Variants in MTUS2 observed in about 807,000 individuals in gnomAD.
MTUS2 encodes microtubule-associated tumor suppressor candidate 2.
Under a neutral mutation model 114.1 loss-of-function variants are expected in MTUS2, and 40 were observed. The observed-to-expected ratio is 0.35, with a 90% CI of 0.27 to 0.46. The LOEUF is 0.46. Among genes scored for constraint, MTUS2 ranks in the 20% least tolerant of loss-of-function variants. MTUS2 has a pLI of 1.00. For synonymous variants in MTUS2, 688 were observed against 672.0 expected, an observed-to-expected ratio of 1.02 and a Z score of -0.37; for missense variants, 1,679 against 1,705.4, an observed-to-expected ratio of 0.98 and a Z score of 0.27.
At chr13:29,458,888 G>A (rs546154214) in intron 9 of MTUS2, among the ~76,000 whole-genome samples, 1 of 152,362 alleles carries the variant, frequency 6.6e-6, no homozygotes, top group African/African-American at 2.4e-5. Context: ...ATAGTCCAAA[G>A]TTGAGAGGCC....
intron 7 of MTUS2, among the ~76,000 whole-genome samples, chr13:29,336,725 T>C (rs908128970): frequency 1.3e-5 from 2 of 152,230 alleles, no homozygotes; most frequent in African/African-American, 4.8e-5. Context: ...CATTTAAGTC[T>C]GCTGAAGCTG....
At chr13:29,282,988 C>T (rs1898335245) in intron 6 of MTUS2, among the ~76,000 whole-genome samples, 1 of 152,150 alleles carries the variant, frequency 6.6e-6, no homozygotes, top group East Asian at 1.9e-4. Context: ...AACAATGCTG[C>T]AATAAACAGC....
intron 5 of MTUS2, among the ~76,000 whole-genome samples, chr13:29,174,904 A>G (rs371450277): frequency 5.9e-5 from 9 of 152,222 alleles, no homozygotes; most frequent in African/African-American, 1.9e-4. Flanking sequence ...TGCCTGGCCA[A>G]CATCTTTCCA....
chr13:29,104,503 T>C (rs958297686), intron 5 of MTUS2, among the ~76,000 whole-genome samples: 1 of 152,218 alleles, frequency 6.6e-6, no homozygotes, highest in Non-Finnish European at 1.5e-5. Flanking sequence ...GGGAATGCTC[T>C]TAAGAGCTAG....
chr13:28,931,051 A>G (rs1297584288), intron 2 of MTUS2, among the ~76,000 whole-genome samples: 3 of 152,168 alleles, frequency 2.0e-5, no homozygotes, highest in South Asian at 2.1e-4. Flanking sequence ...TCCTTGTTAC[A>G]GATTGAATCA....
At position 29,060,798 on chromosome 13, in the gene MTUS2, T is replaced by C. The variant is rs2138644687; in HGVS notation, c.2446+26673T>C. Among the ~76,000 whole-genome samples, 2 of 102,858 alleles carry C rather than the reference T, an allele frequency of 1.9e-5. 1 individual carries two copies. The highest frequency in any genetic ancestry group is 7.9e-4 in the South Asian group (2 of 2,532). 67.5% of individuals were successfully genotyped at this position (102,858 alleles called of 152,430 possible). A position where few individuals can be genotyped will look rare whatever the true frequency, so the allele number is the denominator to read the frequency against. The stretch of plus-strand genomic sequence containing the variant: ...CTTTCACTCCTTTCATTTGGATTAG[T>C]TGACTTTTTTTTTTTTTTTTGAGCC... On this transcript the variant is annotated intron_variant, in intron 4 of 15. Transcript: ENST00000612955.
intron 5 of MTUS2, among the ~76,000 whole-genome samples, chr13:29,189,638 C>T (rs1330334481): frequency 6.6e-6 from 1 of 151,572 alleles, no homozygotes; most frequent in Non-Finnish European, 1.5e-5. Flanking sequence ...TATACTGTTC[C>T]ACCATGTCTT....
chr13:28,935,521 A>T (rs964894578), intron 2 of MTUS2, among the ~76,000 whole-genome samples: 9 of 151,806 alleles, frequency 5.9e-5, no homozygotes, highest in African/African-American at 2.2e-4. Context: ...GAACACATTT[A>T]TAGTTCCATT....
At chr13:28,991,663 C>T (rs182605777) in intron 2 of MTUS2, among the ~76,000 whole-genome samples, 157 of 152,246 alleles carry the variant, frequency 1.0e-3, no homozygotes, top group African/African-American at 3.6e-3. Flanking sequence ...CCACCGCGCC[C>T]GGGTGTTTCT....
At position 29,024,804 on chromosome 13, in the gene MTUS2, A is replaced by G. The variant is rs1488191729; in HGVS notation, c.106A>G (p.Asn36Asp). 6.2e-7 allele frequency: 1 copy of G among 1,614,046 alleles called. No homozygotes were observed. The highest frequency in any genetic ancestry group is 8.5e-7 in the Non-Finnish European group (1 of 1,179,904). ...AAGCATCTTAAGTCTGGGAGATACG[A>G]ATGCCAATCAAATCATGTTGGAGGT... ...NESILSLGDT[N>D]ANQIMLEVSS... Residue 36 changes from asparagine (N) to aspartate (D), a missense_variant, in exon 3 of 16, where the codon AAT (asparagine) becomes GAT (aspartate). Transcript: ENST00000612955.
At chr13:28,916,525 T>G (rs1371302832) in intron 2 of MTUS2, among the ~76,000 whole-genome samples, 2 of 151,860 alleles carry the variant, frequency 1.3e-5, no homozygotes, top group African/African-American at 4.8e-5. Context: ...TTTGGATAAT[T>G]TTTAGATGTT....
chr13:29,289,123 C>T (rs1425195198), intron 6 of MTUS2, among the ~76,000 whole-genome samples: 1 of 152,206 alleles, frequency 6.6e-6, no homozygotes, highest in Non-Finnish European at 1.5e-5. Flanking sequence ...CACTGATGCT[C>T]ATCAGAGCTC....
At chr13:28,867,717 G>A (rs1197333108) in intron 2 of MTUS2, among the ~76,000 whole-genome samples, 1 of 152,152 alleles carries the variant, frequency 6.6e-6, no homozygotes, top group Admixed American at 6.5e-5. Flanking sequence ...CATGAGTCTA[G>A]GCAGTGTGAC....
At chr13:29,093,420 C>T (rs143972802) in intron 4 of MTUS2, among the ~76,000 whole-genome samples, 3,510 of 152,054 alleles carry the variant, frequency 0.023, 149 homozygotes, top group African/African-American at 0.079. Flanking sequence ...TCCAGCCTGG[C>T]GACAGAGCAA....
rs56095961 is a variant in MTUS2, at chr13:29,244,955, C to CAAAAAAAAAAAA, written c.2645-36734_2645-36723dup. Among the ~76,000 whole-genome samples, 59 of 60,498 alleles carry CAAAAAAAAAAAA rather than the reference C, an allele frequency of 9.8e-4. 1 individual carries two copies. Among genetic ancestry groups the CAAAAAAAAAAAA allele is most frequent in the East Asian group, 6.2e-3 (10 of 1,616 alleles). 39.7% of individuals were successfully genotyped at this position (60,498 alleles called of 152,430 possible). ...TGGGCGACAGAGCGAGACTCCGTCT[C>CAAAAAAAAAAAA]AAAAAAAAAAAAAAAAAAAAAAAAA... is the stretch of plus-strand genomic sequence containing the variant. On this transcript the variant is annotated intron_variant, in intron 5 of 15. Coordinates refer to ENST00000612955, the MANE Select transcript of MTUS2 (RefSeq NM_001033602.4).
intron 2 of MTUS2, among the ~76,000 whole-genome samples, chr13:29,021,127 TGTG>T (rs1214672124): frequency 2.6e-5 from 4 of 152,040 alleles, no homozygotes; most frequent in Non-Finnish European, 4.4e-5. Flanking sequence ...ATTAGCCAGA[TGTG>T]GTGGTGTGCA....
chr13:28,897,767 CT>C (rs1162429153), intron 2 of MTUS2, among the ~76,000 whole-genome samples: 1 of 152,036 alleles, frequency 6.6e-6, no homozygotes, highest in African/African-American at 2.4e-5. Flanking sequence ...ATGGATGAAG[CT>C]GGAAACCATC....
At chr13:29,402,898 A>G (rs1440568607) in intron 8 of MTUS2, among the ~76,000 whole-genome samples, 1 of 152,062 alleles carries the variant, frequency 6.6e-6, no homozygotes, top group African/African-American at 2.4e-5. Flanking sequence ...CACCACGCCC[A>G]GCTAATTTTT....
intron 5 of MTUS2, among the ~76,000 whole-genome samples, chr13:29,210,020 T>C (rs1472959880): frequency 1.3e-5 from 2 of 152,196 alleles, no homozygotes; most frequent in Non-Finnish European, 2.9e-5. Context: ...CCCTCAAATG[T>C]GTTTTCATAA....
Sources: gnomAD v4.1 joint callset for allele counts (sites outside exome capture counted in the v4.1 genomes callset) on GRCh38, gnomAD v4.1.1 for gene constraint, MANE v1.5 for transcripts, NCBI Gene and HGNC (gene_info 2026-07-23, HGNC 2026-07-21) for gene names.